MCM9: variants seen among roughly 807,000 people sequenced by gnomAD.
MCM9 encodes the protein DNA helicase MCM9.
A neutral mutation model predicts 72.8 loss-of-function variants in MCM9; 55 were observed. That is an observed-to-expected ratio of 0.76 (90% confidence interval 0.61 to 0.95). MCM9 has a LOEUF of 0.95. Ranked by LOEUF, MCM9 falls within the 40% of genes least tolerant of loss-of-function variation. The pLI is 0.00. For synonymous variants in MCM9, 480 were observed against 503.4 expected (o/e 0.95, Z 0.62); for missense variants, 1,279 against 1,377.0 (o/e 0.93, Z 1.13).
chr6:118,818,022 A>G (rs1004380647), intron 13 of MCM9, among the ~76,000 whole-genome samples: 4 of 151,558 alleles, frequency 2.6e-5, no homozygotes, highest in Non-Finnish European at 5.9e-5. Context: ...TAGATTCTGG[A>G]TATTAGCCCT....
intron 8 of MCM9, among the ~76,000 whole-genome samples, chr6:118,871,281 A>C (rs980857632): frequency 1.3e-5 from 2 of 152,210 alleles, no homozygotes; most frequent in African/African-American, 2.4e-5. Flanking sequence ...CATTCACCAT[A>C]ATCAGGTAGT....
At chr6:118,865,993 A>T (rs546385636) in intron 8 of MCM9, among the ~76,000 whole-genome samples, 93 of 152,304 alleles carry the variant, frequency 6.1e-4, no homozygotes, top group African/African-American at 2.0e-3. Flanking sequence ...ATAGACACCC[A>T]CATTCAGCTT....
At chr6:118,930,358 C>T (rs9489547) in intron 3 of MCM9, among the ~76,000 whole-genome samples, 8,844 of 152,176 alleles carry the variant, frequency 0.058, 370 homozygotes, top group East Asian at 0.2. Flanking sequence ...GCGATCTGCC[C>T]GCCTTGGCCT....
chr6:118,860,775 T>C lies in MCM9; in HGVS notation c.1151-4230A>G, dbSNP rs1305093357. 2.6e-5 allele frequency among the ~76,000 whole-genome samples: 4 copies of C among 152,278 alleles called. No homozygotes were observed. In the East Asian group the frequency reaches 7.7e-4, roughly 29 times the overall value. On this transcript the variant is annotated intron_variant, in intron 8 of 13. Coordinates refer to ENST00000619706, the MANE Select transcript of MCM9 (RefSeq NM_017696.3). ...CAGCCTTTCTGGCACCAGAGGCTGG[T>C]TTCGTGGAGAAAATTTTTCCACAGA...
intron 8 of MCM9, among the ~76,000 whole-genome samples, chr6:118,878,860 C>T (rs1465007882): frequency 6.6e-6 from 1 of 152,038 alleles, no homozygotes; most frequent in East Asian, 1.9e-4. Context: ...CGTTCAAGAC[C>T]AGCCTGGGCA....
At chr6:118,853,696 C>T (rs1195433237) in intron 9 of MCM9, among the ~76,000 whole-genome samples, 3 of 152,122 alleles carry the variant, frequency 2.0e-5, no homozygotes, top group Admixed American at 1.3e-4. Context: ...GTCCCAGCTA[C>T]TCAGGGGTGG....
chr6:118,905,725 C>G (rs760098486), intron 8 of MCM9: 1 of 1,613,526 alleles, frequency 6.2e-7, no homozygotes. Flanking sequence ...ATTACTTGTA[C>G]CTATCGAGGA....
chr6:118,843,621 AAAAAC>A (rs1218520673), intron 9 of MCM9, among the ~76,000 whole-genome samples: 2 of 29,416 alleles, frequency 6.8e-5, no homozygotes, highest in African/African-American at 1.9e-4. Context: ...TCTGTCTCAA[AAAAAC>A]AAAACAAAAC....
chr6:118,813,855 CA>C lies in MCM9; in HGVS notation c.*968del, dbSNP rs1315545241. On this transcript the variant is annotated 3_prime_UTR_variant, in exon 14 of 14. Coordinates refer to ENST00000619706, the MANE Select transcript of MCM9 (RefSeq NM_017696.3). ...ATATTAACCAGCTGGGTAGATGAGA[CA>C]TGATGTTTGATTGAGACTACCACAT... The C allele has an allele frequency of 6.6e-6, 1 of 152,110 alleles. No homozygotes were observed. Among genetic ancestry groups the C allele is most frequent in the African/African-American group, 2.4e-5 (1 of 41,412 alleles). 9.4% of individuals were successfully genotyped at this position (152,110 alleles called of 1,614,324 possible). A position where few individuals can be genotyped will look rare whatever the true frequency, so the allele number is the denominator to read the frequency against.
At chr6:118,847,667 G>A (rs1775966197) in intron 9 of MCM9, among the ~76,000 whole-genome samples, 1 of 151,756 alleles carries the variant, frequency 6.6e-6, no homozygotes, top group South Asian at 2.1e-4. Context: ...AACTGAACTA[G>A]AGTGTCAAAC....
rs556018921 is a variant in MCM9 at position 118,850,937 on chromosome 6, G to A, written c.1325+5434C>T. Among the ~76,000 whole-genome samples, 23 of 151,834 alleles carry A rather than the reference G, an allele frequency of 1.5e-4. No homozygotes were observed. The South Asian group carries it at 4.8e-3, about 31-fold the overall frequency. Reference sequence around the variant, plus strand: ...CCTCCTGGGTTCAAGGGCCTCCTCAGCCTCTTGAGTAGCTGGGACTACAGG... The same window carrying A: ...CCTCCTGGGTTCAAGGGCCTCCTCAACCTCTTGAGTAGCTGGGACTACAGG... On this transcript the variant is annotated intron_variant, in intron 9 of 13. Coordinates refer to ENST00000619706, the MANE Select transcript of MCM9 (RefSeq NM_017696.3).
intron 9 of MCM9, among the ~76,000 whole-genome samples, chr6:118,834,894 T>C (rs959924673): frequency 6.6e-6 from 1 of 152,192 alleles, no homozygotes; most frequent in Non-Finnish European, 1.5e-5. Context: ...TTTGTTGCCA[T>C]TGCTTTTGGT....
At chr6:118,889,366 G>A (rs1459934779) in intron 8 of MCM9, among the ~76,000 whole-genome samples, 2 of 152,184 alleles carry the variant, frequency 1.3e-5, no homozygotes, top group African/African-American at 4.8e-5. Flanking sequence ...AATGTCATTT[G>A]TCTCTATAGT....
chr6:118,927,465 T>A (rs999035810), intron 3 of MCM9, among the ~76,000 whole-genome samples: 1 of 151,486 alleles, frequency 6.6e-6, no homozygotes, highest in African/African-American at 2.4e-5. Flanking sequence ...ATTAGCCAGG[T>A]GTGGTGGTGC....
intron 9 of MCM9, among the ~76,000 whole-genome samples, chr6:118,830,321 A>G (rs555458409): frequency 6.6e-6 from 1 of 152,348 alleles, no homozygotes; most frequent in Non-Finnish European, 1.5e-5. Context: ...ATCTATTTCT[A>G]GCTAGCAGCT....
chr6:118,829,067 G>T lies in MCM9; in HGVS notation c.1509C>A (p.Ser503=). The change falls in exon 10 of 14, where the codon TCC becomes TCA. Residue 503 remains serine, a synonymous_variant. Transcript: ENST00000619706. ...ACGTACCTTTATTTTCTAAGATAAA[G>T]GAGGAAATGATACGATCCCAGTCTT... ...KNEDWDRIIS[S]FILENKGYPS... 6.4e-7 allele frequency: 1 copy of T among 1,550,634 alleles called. No individual in the cohort carries two copies. The highest frequency in any genetic ancestry group is 2.4e-5 in the East Asian group (1 of 40,924).
At chr6:118,919,636 A>C (rs1440938262) in intron 5 of MCM9, 1 of 152,238 alleles carries the variant, frequency 6.6e-6, no homozygotes. Context: ...TGAGGTATAC[A>C]TGATAGTCCA....
At chr6:118,840,691 T>C (rs1269131700) in intron 9 of MCM9, among the ~76,000 whole-genome samples, 2 of 151,632 alleles carry the variant, frequency 1.3e-5, no homozygotes, top group East Asian at 3.9e-4. Context: ...CCATTATATA[T>C]ATTTGGTAAC....
At chr6:118,819,713 A>G (rs942638669) in intron 13 of MCM9, among the ~76,000 whole-genome samples, 2 of 152,020 alleles carry the variant, frequency 1.3e-5, no homozygotes, top group Non-Finnish European at 2.9e-5. Context: ...TCCTCTTTGT[A>G]CCTCTGGTAG....
Sources: gnomAD v4.1 joint callset for allele counts (sites outside exome capture counted in the v4.1 genomes callset) on GRCh38, gnomAD v4.1.1 for gene constraint, MANE v1.5 for transcripts, NCBI Gene and HGNC (gene_info 2026-07-23, HGNC 2026-07-21) for gene names.